The following STK32B variants were observed in gnomAD, a reference collection of about 807,000 sequenced individuals.
STK32B encodes serine/threonine kinase 32B, also known as serine/threonine-protein kinase 32B.
A neutral mutation model predicts 52.6 loss-of-function variants in STK32B; 43 were observed. The observed-to-expected ratio is 0.82, with a 90% CI of 0.64 to 1.05. The LOEUF (loss-of-function observed/expected upper bound fraction) is 1.05. Ranked by LOEUF, STK32B falls within the 50% of genes least tolerant of loss-of-function variation. The pLI is 0.00. For missense variants in STK32B, 621 were observed against 534.6 expected, an observed-to-expected ratio of 1.16 and a Z score of -1.59; for synonymous variants, 238 against 204.3, an observed-to-expected ratio of 1.17 and a Z score of -1.41.
intron 3 of STK32B, among the ~76,000 whole-genome samples, chr4:5,293,017 C>A (rs1728982662): frequency 6.6e-6 from 1 of 152,024 alleles, no homozygotes; most frequent in Admixed American, 6.6e-5. Context: ...GTTCAGCTCC[C>A]ACTTATAAGT....
intron 5 of STK32B, among the ~76,000 whole-genome samples, chr4:5,409,921 G>A (rs141679535): frequency 8.5e-5 from 13 of 152,270 alleles, no homozygotes; most frequent in African/African-American, 3.1e-4. Flanking sequence ...GCAAAGACAT[G>A]TGCTGAAAAC....
intron 11 of STK32B, among the ~76,000 whole-genome samples, chr4:5,491,770 G>A (rs1474434514): frequency 6.6e-6 from 1 of 151,662 alleles, no homozygotes; most frequent in Non-Finnish European, 1.5e-5. Flanking sequence ...GTGTAAGGAA[G>A]GGATCCAGTT....
At chr4:5,150,960 C>T (rs534167234) in intron 2 of STK32B, among the ~76,000 whole-genome samples, 2 of 152,166 alleles carry the variant, frequency 1.3e-5, no homozygotes, top group Non-Finnish European at 1.5e-5. Flanking sequence ...ACTTTCCCCC[C>T]ATGTCATTGA....
At chr4:5,483,232 T>A (rs1718869300) in intron 11 of STK32B, among the ~76,000 whole-genome samples, 2 of 151,490 alleles carry the variant, frequency 1.3e-5, no homozygotes, top group South Asian at 4.1e-4. Context: ...TCTTTTTGGT[T>A]GGTAAGCTAT....
chr4:5,123,097 C>T lies in STK32B; in HGVS notation c.53-16808C>T, dbSNP rs149469333. Among the ~76,000 whole-genome samples, 403 of 152,250 alleles carry T rather than the reference C, an allele frequency of 2.6e-3. 2 individuals are homozygous for T. The highest frequency in any genetic ancestry group is 8.7e-3 in the African/African-American group (362 of 41,550). On this transcript the variant is annotated intron_variant, in intron 1 of 11. Coordinates refer to ENST00000282908, the MANE Select transcript of STK32B (RefSeq NM_018401.3). ...AACAGGACCCAAGCCAACTTCCCCA[C>T]CTCCCCACAGAGTGGTTCTTCTTTC...
In STK32B at chr4:5,480,579, GT is replaced by G. The variant is rs34446697; in HGVS notation, c.1106+12519del. ...TAAGATAAAGGATTGTGGAGACCAC[GT>G]TTTTTTTTTCTTTCATTATACTTTA... On this transcript the variant is annotated intron_variant, in intron 11 of 11. Transcript: ENST00000282908. 1.3e-3 allele frequency among the ~76,000 whole-genome samples: 198 copies of G among 149,474 alleles called. 1 individual carries two copies. The highest frequency in any genetic ancestry group is 4.0e-3 in the African/African-American group (164 of 40,902).
chr4:5,301,072 T>G (rs1377141897), intron 3 of STK32B, among the ~76,000 whole-genome samples: 1 of 152,092 alleles, frequency 6.6e-6, no homozygotes, highest in Non-Finnish European at 1.5e-5. Context: ...TCTATTAATA[T>G]TATATTTTAG....
At chr4:5,289,203 T>C (rs1728729573) in intron 3 of STK32B, among the ~76,000 whole-genome samples, 1 of 152,216 alleles carries the variant, frequency 6.6e-6, no homozygotes, top group South Asian at 2.1e-4. Flanking sequence ...TAGGCAGTTG[T>C]AACACAATGG....
chr4:5,024,073 C>T, the STK32B span, among the ~76,000 whole-genome samples: 1 of 152,188 alleles, frequency 6.6e-6, no homozygotes, highest in African/African-American at 2.4e-5. Flanking sequence ...TCCAGGAACT[C>T]AATGAAGTCA....
At chr4:5,468,991 A>G (rs1232371060) in intron 11 of STK32B, among the ~76,000 whole-genome samples, 3 of 151,144 alleles carry the variant, frequency 2.0e-5, no homozygotes, top group Non-Finnish European at 2.9e-5. Flanking sequence ...CAGAGCTTGC[A>G]GTGAGCCGAG....
intron 3 of STK32B, among the ~76,000 whole-genome samples, chr4:5,260,448 GAC>G (rs1211384526): frequency 6.6e-6 from 1 of 152,172 alleles, no homozygotes; most frequent in Non-Finnish European, 1.5e-5. Flanking sequence ...TGCTCGCAGA[GAC>G]ACAGACAGGC....
chr4:5,320,459 G>A (rs1731413779), intron 3 of STK32B, among the ~76,000 whole-genome samples: 2 of 152,124 alleles, frequency 1.3e-5, no homozygotes, highest in African/African-American at 4.8e-5. Flanking sequence ...AACCCTGTGT[G>A]TATCTATCAG....
intron 5 of STK32B, among the ~76,000 whole-genome samples, chr4:5,401,976 G>A (rs1314086463): frequency 6.6e-6 from 1 of 152,244 alleles, no homozygotes; most frequent in East Asian, 1.9e-4. Context: ...TCAACTGGCT[G>A]TCAGCCGATC....
At chr4:5,317,014 A>AATATATATGATATAATATATAAT (rs1309985885) in intron 3 of STK32B, among the ~76,000 whole-genome samples, 2 of 25,608 alleles carry the variant, frequency 7.8e-5, no homozygotes, top group African/African-American at 5.4e-4. Flanking sequence ...TAATATATAT[A>AATATATATGATATAATATATAAT]ATATATAATA....
chr4:5,330,440 A>C (rs1732158139), intron 3 of STK32B, among the ~76,000 whole-genome samples: 1 of 152,196 alleles, frequency 6.6e-6, no homozygotes, highest in African/African-American at 2.4e-5. Context: ...TGTTTCAAAA[A>C]CAAAACAAAA....
chr4:5,155,900 A>C (rs1171269119), intron 2 of STK32B, among the ~76,000 whole-genome samples: 1 of 152,074 alleles, frequency 6.6e-6, no homozygotes, highest in Non-Finnish European at 1.5e-5. Context: ...TACCCACTAA[A>C]CAGTTCACAT....
At chr4:5,139,997 A>T in intron 2 of STK32B, 37 bp downstream of exon 2, 2 of 1,612,144 alleles carry the variant, frequency 1.2e-6, no homozygotes. Flanking sequence ...GGGCTTAAGT[A>T]TGTGTGTATA....
intron 4 of STK32B, among the ~76,000 whole-genome samples, chr4:5,347,893 A>C (rs1733572467): frequency 6.6e-6 from 1 of 152,214 alleles, no homozygotes; most frequent in Non-Finnish European, 1.5e-5. Flanking sequence ...CAGAACTATG[A>C]GTCAATTAAG....
chr4:5,102,485 C>T (rs1368726116), intron 1 of STK32B, among the ~76,000 whole-genome samples: 4 of 135,282 alleles, frequency 3.0e-5, no homozygotes, highest in African/African-American at 8.4e-5. Flanking sequence ...TCCTTCCTTC[C>T]TTCCTTCCCT....
Sources: gnomAD v4.1 joint callset for allele counts (sites outside exome capture counted in the v4.1 genomes callset) on GRCh38, gnomAD v4.1.1 for gene constraint, MANE v1.5 for transcripts, NCBI Gene and HGNC (gene_info 2026-07-23, HGNC 2026-07-21) for gene names.